AKAP13: variants seen among roughly 807,000 people sequenced by gnomAD.
AKAP13 encodes A-kinase anchor protein 13.
Under a neutral mutation model 264.5 loss-of-function variants are expected in AKAP13, and 80 were observed. That is an observed-to-expected ratio of 0.30 (90% CI 0.25 to 0.36). The LOEUF (loss-of-function observed/expected upper bound fraction) is 0.36, where lower values mean the gene tolerates loss of function less well. AKAP13 is among the 10% of genes least tolerant of loss of function. The probability of loss-of-function intolerance (pLI) is 1.00; values close to 1 mark genes in which losing one functional copy is unlikely to be tolerated. For synonymous variants in AKAP13, 1,380 were observed against 1,250.2 expected, an observed-to-expected ratio of 1.10 and a Z score of -2.19; for missense variants, 3,712 against 3,435.2, an observed-to-expected ratio of 1.08 and a Z score of -2.01.
chr15:85,463,845 A>G (rs1350560912), intron 1 of AKAP13, among the ~76,000 whole-genome samples: 1 of 151,422 alleles, frequency 6.6e-6, no homozygotes, highest in Non-Finnish European at 1.5e-5. Context: ...TGCTGGTGGC[A>G]GTGCTAGGAG....
At chr15:85,509,065 C>T (rs2076332951) in intron 2 of AKAP13, among the ~76,000 whole-genome samples, 1 of 152,186 alleles carries the variant, frequency 6.6e-6, no homozygotes, top group South Asian at 2.1e-4. Context: ...AAAATATAAG[C>T]TCCATGAGGG....
chr15:85,585,056 C>G (rs1177490154), intron 7 of AKAP13, among the ~76,000 whole-genome samples: 2 of 152,220 alleles, frequency 1.3e-5, no homozygotes, highest in Non-Finnish European at 2.9e-5. Flanking sequence ...AGCAAGAGGA[C>G]AACTATGTAA....
intron 34 of AKAP13, 135 bp downstream of exon 34, chr15:85,740,407 C>A: frequency 1.1e-6 from 1 of 942,094 alleles, no homozygotes; most frequent in Non-Finnish European, 1.6e-6. Flanking sequence ...GGAAGACTGG[C>A]TCTCGTGGTG....
chr15:85,388,866 G>T (rs1038529732), intron 1 of AKAP13, among the ~76,000 whole-genome samples: 1 of 152,060 alleles, frequency 6.6e-6, no homozygotes, highest in Non-Finnish European at 1.5e-5. Flanking sequence ...TGTCTCCTTG[G>T]GGGTAAAGTT....
chr15:85,560,319 T>C (rs187796006), intron 5 of AKAP13, among the ~76,000 whole-genome samples: 2 of 152,090 alleles, frequency 1.3e-5, no homozygotes, highest in East Asian at 3.9e-4. Context: ...GCTAATTTTT[T>C]TTTGCAAAGA....
intron 1 of AKAP13, among the ~76,000 whole-genome samples, chr15:85,440,965 G>A (rs1314421686): frequency 6.6e-6 from 1 of 152,154 alleles, no homozygotes; most frequent in Admixed American, 6.5e-5. Context: ...TTGAAAGCAA[G>A]AGAAACTCTA....
At position 85,718,192 on chromosome 15, in the gene AKAP13, G is replaced by C. The variant is rs532329338; in HGVS notation, c.6001+33G>C. On this transcript the variant is annotated intron_variant, in intron 22 of 36. Transcript: ENST00000394518. This position sits in a 1 kb window ranked among gnomAD's most constrained non-coding sequence, Gnocchi z 4.9. ...TCTTCATTTTGCTCTGATTATATTT[G>C]ATTTCCATTGTCCAGCATTTTTAAG... 2 of 1,605,252 alleles carry C rather than the reference G, an allele frequency of 1.2e-6. No individual in the cohort carries two copies. The highest frequency in any genetic ancestry group is 4.5e-5 in the East Asian group (2 of 44,668).
intron 16 of AKAP13, chr15:85,685,427 C>T (rs947209425): frequency 6.6e-6 from 1 of 152,086 alleles, no homozygotes; most frequent in African/African-American, 2.4e-5. Context: ...AATATATTCT[C>T]TTAGTGATTA....
At chr15:85,570,881 G>A (rs2078794604) in intron 5 of AKAP13, among the ~76,000 whole-genome samples, 1 of 152,086 alleles carries the variant, frequency 6.6e-6, no homozygotes, top group East Asian at 1.9e-4. Flanking sequence ...AGGAGGGCAG[G>A]AAGAAACAGA....
intron 14 of AKAP13, among the ~76,000 whole-genome samples, chr15:85,674,791 C>G (rs1435837622): frequency 3.3e-5 from 5 of 151,888 alleles, no homozygotes; most frequent in African/African-American, 1.2e-4. Context: ...TGGATTTCTT[C>G]TCTAACTATG....
At chr15:85,639,074 C>A (rs1230399244) in intron 8 of AKAP13, among the ~76,000 whole-genome samples, 1 of 152,162 alleles carries the variant, frequency 6.6e-6, no homozygotes, top group Non-Finnish European at 1.5e-5. Context: ...AATATTTAGT[C>A]AATTTCATTT....
intron 1 of AKAP13, among the ~76,000 whole-genome samples, chr15:85,384,987 G>T: frequency 6.6e-6 from 1 of 152,180 alleles, no homozygotes. Flanking sequence ...CAGTGTGTTT[G>T]TATGATATGG....
chr15:85,619,862 T>C, intron 8 of AKAP13: 1 of 1,394,102 alleles, frequency 7.2e-7, no homozygotes. Context: ...TCCAGCACTC[T>C]GAAGTTATCA....
At chr15:85,455,288 G>A (rs2074244855) in intron 1 of AKAP13, among the ~76,000 whole-genome samples, 1 of 152,126 alleles carries the variant, frequency 6.6e-6, no homozygotes, top group African/African-American at 2.4e-5. Context: ...GTGGGGAAGA[G>A]TTGGCGTTGC....
intron 2 of AKAP13, among the ~76,000 whole-genome samples, chr15:85,493,100 A>G (rs62022118): frequency 0.13 from 19,078 of 152,224 alleles, 1,589 homozygotes; most frequent in Non-Finnish European, 0.19. Flanking sequence ...GGCTAATGTC[A>G]ACAGAGAGCT....
intron 12 of AKAP13, among the ~76,000 whole-genome samples, chr15:85,662,882 C>G (rs1341404653): frequency 6.6e-6 from 1 of 152,188 alleles, no homozygotes; most frequent in Non-Finnish European, 1.5e-5. Context: ...ATTCTTCTCT[C>G]AACTGAACAG....
Position 85,722,008 on chromosome 15 carries a change from A to G in AKAP13, c.6270A>G (p.Ala2090=). The change falls in exon 24 of 37, where the codon GCA becomes GCG. Residue 2090 remains alanine (A), a synonymous_variant. Coordinates refer to ENST00000394518, the MANE Select transcript of AKAP13 (RefSeq NM_007200.5). ...VLVNQFSGEN[A]ERLKKTYGKF... ...CTCTGCAGTTTTCAGGTGAGAATGC[A>G]GAACGTTTAAAGAAGACATATGGCA... The G allele has an allele frequency of 6.2e-7, 1 of 1,614,134 alleles. No individual in the cohort carries two copies. Among genetic ancestry groups the G allele is most frequent in the Non-Finnish European group, 8.5e-7 (1 of 1,179,946 alleles).
At chr15:85,575,089 A>G (rs1296852687) in intron 5 of AKAP13, 42 bp from the exon 6 acceptor site, 1 of 1,588,226 alleles carries the variant, frequency 6.3e-7, no homozygotes, top group African/African-American at 1.3e-5. Flanking sequence ...TATGCCTGGG[A>G]GGCAGAATGT....
intron 19 of AKAP13, 70 bp downstream of exon 19, chr15:85,710,715 A>G: frequency 6.6e-7 from 1 of 1,524,616 alleles, no homozygotes; most frequent in Non-Finnish European, 9.0e-7. Flanking sequence ...ATGCTGTTGT[A>G]ATATTCAGTT....
Sources: gnomAD v4.1 joint callset for allele counts (sites outside exome capture counted in the v4.1 genomes callset) on GRCh38, gnomAD v4.1.1 for gene constraint, Gnocchi (gnomAD v3.1) non-coding constraint, MANE v1.5 for transcripts, NCBI Gene and HGNC (gene_info 2026-07-23, HGNC 2026-07-21) for gene names.